Variants in NRP2 observed in about 807,000 individuals in gnomAD.
NRP2 encodes neuropilin 2, also known as neuropilin-2.
Under a neutral mutation model 110.4 loss-of-function variants are expected in NRP2, and 52 were observed. That is an observed-to-expected ratio of 0.47 (90% CI 0.38 to 0.59). The LOEUF (loss-of-function observed/expected upper bound fraction) is 0.59. Ranked by LOEUF, NRP2 falls within the 20% of genes least tolerant of loss-of-function variation. The pLI, the probability that NRP2 is intolerant of heterozygous loss-of-function variation, is 0.00. For missense variants in NRP2, 1,049 were observed against 1,203.0 expected (o/e 0.87, Z 1.89); for synonymous variants, 508 against 468.9 (o/e 1.08, Z -1.08).
intron 15 of NRP2, among the ~76,000 whole-genome samples, chr2:205,788,478 AGCTAGGTGATC>A (rs1366032742): frequency 6.6e-6 from 1 of 152,198 alleles, no homozygotes; most frequent in African/African-American, 2.4e-5. Flanking sequence ...TTTGTGGCAA[AGCTAGGTGATC>A]GCTTTGAATT....
intron 12 of NRP2, among the ~76,000 whole-genome samples, chr2:205,754,421 C>T (rs923606273): frequency 6.6e-6 from 1 of 152,156 alleles, no homozygotes; most frequent in African/African-American, 2.4e-5. Flanking sequence ...CGGAGAAAAA[C>T]ATTTTCATAT....
At chr2:205,770,090 T>TA (rs1360411495) in intron 15 of NRP2, among the ~76,000 whole-genome samples, 11 of 152,134 alleles carry the variant, frequency 7.2e-5, no homozygotes, top group Non-Finnish European at 1.5e-4. Flanking sequence ...CCCTACCTGT[T>TA]AGAGACTCAC....
At chr2:205,747,726 A>C (rs1171482057) in intron 10 of NRP2, among the ~76,000 whole-genome samples, 2 of 152,160 alleles carry the variant, frequency 1.3e-5, no homozygotes, top group Non-Finnish European at 2.9e-5. Context: ...CAGCTGGATG[A>C]AGTCCACCTC....
chr2:205,735,176 C>T (rs957336051), intron 7 of NRP2, among the ~76,000 whole-genome samples: 1 of 152,076 alleles, frequency 6.6e-6, no homozygotes, highest in Non-Finnish European at 1.5e-5. Context: ...CTGTCCTGGG[C>T]ACATGGGTAT....
chr2:205,782,370 A>G (rs900307672), intron 15 of NRP2, among the ~76,000 whole-genome samples: 1 of 152,192 alleles, frequency 6.6e-6, no homozygotes, highest in African/African-American at 2.4e-5. Context: ...ATTGCTTGAG[A>G]GTGTATTGAT....
chr2:205,707,814 G>A (rs2056712490), intron 2 of NRP2, among the ~76,000 whole-genome samples: 3 of 152,144 alleles, frequency 2.0e-5, no homozygotes, highest in Non-Finnish European at 4.4e-5. Flanking sequence ...CTATTCCGGA[G>A]GGAACTGTTC....
chr2:205,752,175 C>G (rs1177031958), intron 11 of NRP2, among the ~76,000 whole-genome samples: 1 of 152,228 alleles, frequency 6.6e-6, no homozygotes, highest in Non-Finnish European at 1.5e-5. Flanking sequence ...CTGGCCAGCA[C>G]TGAGCTGAGA....
intron 1 of NRP2, among the ~76,000 whole-genome samples, chr2:205,693,495 A>T (rs1055809754): frequency 1.3e-5 from 2 of 152,048 alleles, no homozygotes; most frequent in African/African-American, 4.8e-5. Flanking sequence ...TTCTTTGTAC[A>T]TGGGAGGTCT....
At chr2:205,690,140 A>G (rs2056278147) in intron 1 of NRP2, among the ~76,000 whole-genome samples, 1 of 152,212 alleles carries the variant, frequency 6.6e-6, no homozygotes, top group Non-Finnish European at 1.5e-5. Context: ...GATAATGGGA[A>G]TTGCAAATTA....
chr2:205,797,705 C>T lies in NRP2; in HGVS notation c.*2647C>T, dbSNP rs2105983414. 1 of 152,802 alleles carries T rather than the reference C, an allele frequency of 6.5e-6. No homozygotes were observed. The highest frequency in any genetic ancestry group is 2.1e-4 in the South Asian group (1 of 4,824). 9.5% of individuals were successfully genotyped at this position (152,802 alleles called of 1,614,324 possible). ...TTTGTTATCTTTATCTGTGGGTAGG[C>T]TAGCTGACCCATCTCCTTGAGTCAT... On this transcript the variant is annotated 3_prime_UTR_variant, in exon 17 of 17. Transcript: ENST00000357785.
intron 14 of NRP2, 74 bp from the exon 15 acceptor site, chr2:205,766,709 C>A: frequency 7.6e-7 from 1 of 1,316,582 alleles, no homozygotes; most frequent in Non-Finnish European, 1.1e-6. Flanking sequence ...CATATTCATC[C>A]AATTATTCAC....
intron 16 of NRP2, among the ~76,000 whole-genome samples, chr2:205,792,561 A>G (rs757003372): frequency 2.6e-5 from 4 of 152,156 alleles, no homozygotes; most frequent in Non-Finnish European, 4.4e-5. Flanking sequence ...ATCTGAATAA[A>G]CCCTTTACAA....
At chr2:205,734,540 A>G (rs1377910735) in intron 7 of NRP2, among the ~76,000 whole-genome samples, 4 of 152,076 alleles carry the variant, frequency 2.6e-5, no homozygotes, top group Admixed American at 1.3e-4. Context: ...GAGCAGATGC[A>G]AGGGAAGGGG....
At chr2:205,767,578 T>TAA (rs754385078) in intron 15 of NRP2, 54 of 246,406 alleles carry the variant, frequency 2.2e-4, no homozygotes, top group South Asian at 5.1e-4. Flanking sequence ...ATCCAGGTTA[T>TAA]AAAAAAAAAA....
chr2:205,754,529 C>T (rs994084716), intron 12 of NRP2, among the ~76,000 whole-genome samples: 2 of 152,184 alleles, frequency 1.3e-5, no homozygotes, highest in African/African-American at 2.4e-5. Flanking sequence ...TTACCCCAGT[C>T]CAGCCTTAAT....
At position 205,797,294 on chromosome 2, in the gene NRP2, T is replaced by C. The variant is rs943674103; in HGVS notation, c.*2236T>C. 6.6e-6 allele frequency: 1 copy of C among 152,446 alleles called. No homozygotes were observed. The highest frequency in any genetic ancestry group is 2.1e-4 in the South Asian group (1 of 4,826). The allele number at this position is 152,446 out of a possible 1,614,324, so 9.4% of individuals were successfully genotyped here. The stretch of plus-strand genomic sequence containing the variant: ...GCCCCTTTTCCTCTTCACCCTCCCA[T>C]GATGCGCAGTGTTCAGAAAGCTGGT... On this transcript the variant is annotated 3_prime_UTR_variant, in exon 17 of 17. Transcript: ENST00000357785.
At chr2:205,715,083 A>G (rs2056868003) in intron 2 of NRP2, among the ~76,000 whole-genome samples, 1 of 152,198 alleles carries the variant, frequency 6.6e-6, no homozygotes, top group Admixed American at 6.5e-5. Context: ...GATGGTTTTC[A>G]GTAAATAATG....
At chr2:205,765,378 A>G in intron 13 of NRP2, 96 bp from the exon 14 acceptor site, 1 of 979,878 alleles carries the variant, frequency 1.0e-6, no homozygotes, top group Non-Finnish European at 1.7e-6. Context: ...ATACACACAC[A>G]CGCTTTAAGC....
intron 1 of NRP2, chr2:205,685,755 A>C (rs2056141366): frequency 6.6e-6 from 1 of 152,436 alleles, no homozygotes; most frequent in Non-Finnish European, 1.5e-5. Flanking sequence ...CGACCCCTAG[A>C]GAGACGGCTT....
Sources: allele counts gnomAD v4.1 joint callset (sites outside exome capture counted in the v4.1 genomes callset), GRCh38; gene constraint gnomAD v4.1.1; transcripts MANE v1.5; gene names NCBI Gene and HGNC (gene_info 2026-07-23, HGNC 2026-07-21).